Variants in RYR3 observed in about 807,000 individuals in gnomAD.
RYR3 encodes the protein ryanodine receptor 3.
Under a neutral mutation model 584.3 loss-of-function variants are expected in RYR3, and 207 were observed. The ratio of observed to expected loss-of-function variants is 0.35; its 90% CI spans 0.32 to 0.40. The LOEUF (loss-of-function observed/expected upper bound fraction) is 0.40, where lower values mean the gene tolerates loss of function less well. Ranked by LOEUF, RYR3 falls within the 10% of genes least tolerant of loss-of-function variation. The probability of loss-of-function intolerance (pLI) is 1.00; values close to 1 mark genes in which losing one functional copy is unlikely to be tolerated. For missense variants in RYR3, 5,616 were observed against 6,089.2 expected (o/e 0.92, Z 2.59); for synonymous variants, 2,416 against 2,248.5 (o/e 1.07, Z -2.11).
At chr15:33,496,858 A>T (rs2051474685) in intron 2 of RYR3, among the ~76,000 whole-genome samples, 1 of 152,104 alleles carries the variant, frequency 6.6e-6, no homozygotes, top group South Asian at 2.1e-4. Flanking sequence ...TTTAGCATTG[A>T]ATTTCCTTTT....
intron 1 of RYR3, among the ~76,000 whole-genome samples, chr15:33,374,746 C>T (rs372105386): frequency 1.3e-5 from 2 of 152,222 alleles, no homozygotes; most frequent in South Asian, 4.1e-4. Flanking sequence ...AAACATTCAA[C>T]GAACAGAAAT....
chr15:33,644,579 C>T, intron 28 of RYR3, 60 bp downstream of exon 28: 1 of 1,293,156 alleles, frequency 7.7e-7, no homozygotes, highest in African/African-American at 1.5e-5. Context: ...CCTAAGCTTG[C>T]CCTAAGTCTC....
At chr15:33,503,779 AC>A (rs1163857313) in intron 3 of RYR3, 41 bp downstream of exon 3, 1 of 1,162,206 alleles carries the variant, frequency 8.6e-7, no homozygotes, top group African/African-American at 1.5e-5. Flanking sequence ...ATTGGGGTGC[AC>A]CACATCCCCA....
chr15:33,672,806 T>A (rs1006862829), intron 38 of RYR3, among the ~76,000 whole-genome samples: 4 of 152,216 alleles, frequency 2.6e-5, no homozygotes, highest in Admixed American at 2.6e-4. Flanking sequence ...GAATTGGCAG[T>A]TTACTGAATA....
intron 2 of RYR3, among the ~76,000 whole-genome samples, chr15:33,492,481 A>T (rs1042110429): frequency 6.6e-6 from 1 of 150,604 alleles, no homozygotes; most frequent in Non-Finnish European, 1.5e-5. Flanking sequence ...AAAAAATGCC[A>T]TGTAGGAGCA....
chr15:33,415,953 A>C (rs2043784385), intron 1 of RYR3, among the ~76,000 whole-genome samples: 1 of 152,148 alleles, frequency 6.6e-6, no homozygotes, highest in Non-Finnish European at 1.5e-5. Flanking sequence ...AAGTGAGAAC[A>C]TCTGGGTTTC....
chr15:33,865,158 GAAAGGTGTTGGGATTT>G lies in RYR3; in HGVS notation c.14546_14561del (p.Glu4849AlafsTer52). ...ATCTTATGTCTGGAAGATGTACCAA[GAAAGGTGTTGGGATTT>G]CTTCCCAGCCGGTGACTGCTTTCGT... On this transcript the variant is annotated frameshift_variant, in exon 104 of 104. Transcript: ENST00000634891. LOFTEE classifies it high-confidence loss of function. 6.2e-7 allele frequency: 1 copy of G among 1,613,718 alleles called. No homozygotes were observed. The highest frequency in any genetic ancestry group is 2.2e-5 in the East Asian group (1 of 44,880).
At chr15:33,357,030 T>C (rs1393376066) in intron 1 of RYR3, among the ~76,000 whole-genome samples, 1 of 152,156 alleles carries the variant, frequency 6.6e-6, no homozygotes, top group Non-Finnish European at 1.5e-5. Context: ...AGGTGTCGTG[T>C]CCCATCCTTC....
intron 42 of RYR3, among the ~76,000 whole-genome samples, chr15:33,701,817 G>C (rs965000477): frequency 6.6e-6 from 1 of 152,120 alleles, no homozygotes; most frequent in African/African-American, 2.4e-5. Flanking sequence ...CTGATCAGCC[G>C]CATTGTTGGG....
At chr15:33,693,234 G>A (rs2065578952) in intron 38 of RYR3, among the ~76,000 whole-genome samples, 1 of 152,194 alleles carries the variant, frequency 6.6e-6, no homozygotes, top group African/African-American at 2.4e-5. Context: ...ATTGGTGGTC[G>A]CCTCTGTGAT....
chr15:33,651,914 G>A (rs1267857150), intron 31 of RYR3, among the ~76,000 whole-genome samples: 1 of 152,186 alleles, frequency 6.6e-6, no homozygotes, highest in Non-Finnish European at 1.5e-5. Flanking sequence ...CCCACGGTGG[G>A]GGGCTCTGAG....
chr15:33,575,012 A>G (rs2058223030), intron 12 of RYR3, among the ~76,000 whole-genome samples: 1 of 152,248 alleles, frequency 6.6e-6, no homozygotes, highest in African/African-American at 2.4e-5. Flanking sequence ...TAAACAAACT[A>G]AGATCAAAAA....
At chr15:33,844,190 T>C (rs966132670) in intron 92 of RYR3, among the ~76,000 whole-genome samples, 4 of 152,200 alleles carry the variant, frequency 2.6e-5, no homozygotes, top group Non-Finnish European at 5.9e-5. Flanking sequence ...TGAAACATTG[T>C]TTTATCCACC....
Position 33,848,416 on chromosome 15 carries a change from C to A in RYR3, c.13623C>A (p.Asn4541Lys). ...IKGQWDRLVI[N>K]TPSFPNNYWD... ...GGCAGTGGGACCGCTTGGTGATCAA[C>A]ACACCGTGAGTGTCCCTCTACCCCA... Residue 4541 changes from asparagine to lysine, a missense_variant, in exon 94 of 104, where the codon AAC becomes AAA. Coordinates refer to ENST00000634891, the MANE Select transcript of RYR3 (RefSeq NM_001036.6). The A allele has an allele frequency of 6.2e-7, 1 of 1,612,526 alleles. No homozygotes were observed. Among genetic ancestry groups the A allele is most frequent in the East Asian group, 2.2e-5 (1 of 44,874 alleles).
At chr15:33,780,513 A>C (rs2074320441) in intron 65 of RYR3, among the ~76,000 whole-genome samples, 172 bp downstream of exon 65, 1 of 152,210 alleles carries the variant, frequency 6.6e-6, no homozygotes, top group South Asian at 2.1e-4. Context: ...AGAAATAAGC[A>C]TGGGCAAGGC....
chr15:33,519,801 C>T (rs1348464710), intron 3 of RYR3, among the ~76,000 whole-genome samples: 4 of 152,082 alleles, frequency 2.6e-5, no homozygotes, highest in Admixed American at 2.0e-4. Flanking sequence ...TAGGAGCATC[C>T]GTTCTGTCTA....
chr15:33,832,595 T>A (rs2077752506), intron 86 of RYR3, among the ~76,000 whole-genome samples: 1 of 149,510 alleles, frequency 6.7e-6, no homozygotes, highest in Admixed American at 6.6e-5. Context: ...AGGCAGAGGT[T>A]TCAGTGAGCC....
chr15:33,729,917 A>G (rs559166417), intron 47 of RYR3, among the ~76,000 whole-genome samples: 10 of 152,326 alleles, frequency 6.6e-5, no homozygotes, highest in African/African-American at 2.4e-4. Context: ...TTCCACCTGC[A>G]TGGGTTATCC....
intron 37 of RYR3, among the ~76,000 whole-genome samples, chr15:33,669,854 G>GT (rs765175872): frequency 0.33 from 11,812 of 35,894 alleles, 2,068 homozygotes; most frequent in East Asian, 0.51. Context: ...GGGGGGGGGG[G>GT]GGGGTGTGGG....
Sources: gnomAD v4.1 joint callset for allele counts (sites outside exome capture counted in the v4.1 genomes callset) on GRCh38, gnomAD v4.1.1 for gene constraint, MANE v1.5 for transcripts, NCBI Gene and HGNC (gene_info 2026-07-23, HGNC 2026-07-21) for gene names.